PAQR5: variants seen among roughly 807,000 people sequenced by gnomAD.
PAQR5 encodes the protein progestin and adipoQ receptor family member 5, also known as membrane progestin receptor gamma.
A neutral mutation model predicts 34.5 loss-of-function variants in PAQR5; 20 were observed. The observed-to-expected ratio is 0.58, with a 90% CI of 0.41 to 0.84. The LOEUF (loss-of-function observed/expected upper bound fraction) is 0.84. PAQR5 is among the 40% of genes least tolerant of loss of function. PAQR5 has a pLI of 0.00. For synonymous variants in PAQR5, 131 were observed against 155.6 expected (o/e 0.84, Z 1.18); for missense variants, 378 against 412.7 (o/e 0.92, Z 0.73).
intron 1 of PAQR5, among the ~76,000 whole-genome samples, chr15:69,308,169 C>T (rs960670757): frequency 2.0e-5 from 3 of 152,194 alleles, no homozygotes; most frequent in Admixed American, 2.0e-4. Context: ...GTGGCTCAAT[C>T]CCTGCCCTGG....
chr15:69,321,279 C>T (rs900687239), intron 1 of PAQR5, among the ~76,000 whole-genome samples: 3 of 152,178 alleles, frequency 2.0e-5, no homozygotes, highest in Non-Finnish European at 4.4e-5. Context: ...GTTATTCTCT[C>T]ATTTTCAAAG....
chr15:69,306,327 A>G (rs2053714384), intron 1 of PAQR5, among the ~76,000 whole-genome samples: 1 of 136,458 alleles, frequency 7.3e-6, no homozygotes, highest in Admixed American at 8.0e-5. Context: ...AGTAAAACAT[A>G]CAAAACATTT....
At chr15:69,369,700 C>A (rs1181932081) in intron 3 of PAQR5, among the ~76,000 whole-genome samples, 1 of 151,378 alleles carries the variant, frequency 6.6e-6, no homozygotes, top group African/African-American at 2.4e-5. Flanking sequence ...GCATGGACCA[C>A]AAACCTATAT....
chr15:69,376,071 G>A (rs2055698326), intron 3 of PAQR5, among the ~76,000 whole-genome samples: 1 of 152,220 alleles, frequency 6.6e-6, no homozygotes, highest in Non-Finnish European at 1.5e-5. Context: ...TTGCTGATGT[G>A]CCCTTCTGCT....
intron 1 of PAQR5, among the ~76,000 whole-genome samples, chr15:69,301,859 ATTTTTTTTTTTTTTTTTTTTTTTTTT>A (rs71149903): frequency 2.0e-5 from 2 of 98,870 alleles, no homozygotes; most frequent in African/African-American, 5.8e-5. Flanking sequence ...ATGGGGGGAG[ATTTTTTTTTTTTTTTTTTTTTTTTTT>A]TTTTTTTTTT....
In PAQR5 at chr15:69,360,072, AG is replaced by A; in HGVS notation, c.-8del. 6.2e-7 allele frequency: 1 copy of A among 1,613,288 alleles called. No homozygotes were observed. Among genetic ancestry groups the A allele is most frequent in the South Asian group, 1.1e-5 (1 of 91,046 alleles). On this transcript the variant is annotated 5_prime_UTR_variant, in exon 3 of 9. Transcript: ENST00000395407. The stretch of plus-strand genomic sequence containing the variant: ...TGTCACCTACTGGCCTTGCCAATCC[AG>A]CTCCAAGATGCTGAGCCTGAAGCTC...
intron 1 of PAQR5, among the ~76,000 whole-genome samples, chr15:69,325,775 C>T (rs369306410): frequency 3.3e-5 from 5 of 152,176 alleles, no homozygotes; most frequent in African/African-American, 1.2e-4. Flanking sequence ...GTGACCCCTC[C>T]TGTCTCCTTA....
intron 3 of PAQR5, among the ~76,000 whole-genome samples, chr15:69,369,274 G>T (rs560171885): frequency 1.3e-5 from 2 of 152,248 alleles, no homozygotes; most frequent in South Asian, 4.1e-4. Flanking sequence ...GGTGGCTCAC[G>T]CCTGTAATCC....
chr15:69,329,826 T>A (rs1229683947), intron 1 of PAQR5, among the ~76,000 whole-genome samples: 1 of 152,172 alleles, frequency 6.6e-6, no homozygotes, highest in Non-Finnish European at 1.5e-5. Context: ...TTTTTGCCGC[T>A]GATGGCTCAC....
chr15:69,380,940 A>G (rs749122810), intron 4 of PAQR5, among the ~76,000 whole-genome samples: 2 of 152,188 alleles, frequency 1.3e-5, no homozygotes, highest in East Asian at 3.9e-4. Context: ...CTCCCCGCAC[A>G]GGGGCAGCCA....
At chr15:69,360,708 A>G (rs11633259) in intron 3 of PAQR5, among the ~76,000 whole-genome samples, 140,192 of 152,246 alleles carry the variant, frequency 0.92, 65,710 homozygotes, top group East Asian at 1. Flanking sequence ...TGTGTGCTAC[A>G]GAGAACTGGT....
chr15:69,403,672 A>G lies in PAQR5; in HGVS notation c.843A>G (p.Glu281=), dbSNP rs1233169405. The G allele has an allele frequency of 6.2e-7, 1 of 1,614,176 alleles. No homozygotes were observed. The highest frequency in any genetic ancestry group is 8.5e-7 in the Non-Finnish European group (1 of 1,180,018). Residue 281 remains glutamate (E), a synonymous_variant, in exon 9 of 9, where the codon GAA becomes GAG. Coordinates refer to ENST00000395407, the MANE Select transcript of PAQR5 (RefSeq NM_017705.4). ...TTCTGGACAAGACTCTGAGGAAGGA[A>G]TGGCTCCTGGCCACCTCCAAGCCCT... The part of the protein sequence containing the change: ...AILLDKTLRK[E]WLLATSKPFS...
intron 1 of PAQR5, among the ~76,000 whole-genome samples, chr15:69,318,914 A>G (rs1415643905): frequency 6.6e-6 from 1 of 151,642 alleles, no homozygotes; most frequent in Non-Finnish European, 1.5e-5. Flanking sequence ...GTGGATCACC[A>G]CCTAAGGTCG....
At chr15:69,393,044 C>T (rs1465713417) in intron 6 of PAQR5, among the ~76,000 whole-genome samples, 1 of 151,762 alleles carries the variant, frequency 6.6e-6, no homozygotes, top group Admixed American at 6.6e-5. Context: ...AGCTTCCATG[C>T]CCTGAGGGGT....
chr15:69,358,274 A>G (rs935887866), intron 2 of PAQR5, among the ~76,000 whole-genome samples: 1 of 152,142 alleles, frequency 6.6e-6, no homozygotes, highest in South Asian at 2.1e-4. Flanking sequence ...GCATTTAAGC[A>G]ATCTTGTTAC....
intron 3 of PAQR5, among the ~76,000 whole-genome samples, chr15:69,379,024 A>G (rs562209595): frequency 6.6e-6 from 1 of 152,280 alleles, no homozygotes; most frequent in African/African-American, 2.4e-5. Flanking sequence ...ACCTCAACAA[A>G]TTAAACACTT....
rs1277334190 is a variant in PAQR5 at position 69,405,986 on chromosome 15, TATTA to T, written c.*2169_*2172del. On this transcript the variant is annotated 3_prime_UTR_variant, in exon 9 of 9. Coordinates refer to ENST00000395407, the MANE Select transcript of PAQR5 (RefSeq NM_017705.4). ...TGCAAAATGAGAAGGGGTTCAAATA[TATTA>T]ATTATCATTAAGTATTAAATAATAG... 4 of 152,342 alleles carry T rather than the reference TATTA, an allele frequency of 2.6e-5. No individual in the cohort carries two copies. The highest frequency in any genetic ancestry group is 6.5e-5 in the Admixed American group (1 of 15,308). 9.4% of individuals were successfully genotyped at this position (152,342 alleles called of 1,614,324 possible).
intron 1 of PAQR5, among the ~76,000 whole-genome samples, chr15:69,300,844 T>TC: frequency 3.4e-4 from 2 of 5,886 alleles, no homozygotes; most frequent in African/African-American, 2.3e-3. Context: ...TAGTTCGTTT[T>TC]CTTTCTTTCT....
chr15:69,380,504 T>C (rs1208719012), intron 4 of PAQR5: 1 of 153,646 alleles, frequency 6.5e-6, no homozygotes, highest in African/African-American at 2.4e-5. Flanking sequence ...TGTTCCGTAA[T>C]CATTCTGGGA....
Sources: gnomAD v4.1 joint callset for allele counts (sites outside exome capture counted in the v4.1 genomes callset) on GRCh38, gnomAD v4.1.1 for gene constraint, MANE v1.5 for transcripts, NCBI Gene and HGNC (gene_info 2026-07-23, HGNC 2026-07-21) for gene names.